The following NIPSNAP2 variants were observed in gnomAD, a reference collection of about 807,000 sequenced individuals.
NIPSNAP2 encodes protein NipSnap homolog 2.
Under a neutral mutation model 48.4 loss-of-function variants are expected in NIPSNAP2, and 42 were observed. The observed-to-expected ratio is 0.87, with a 90% confidence interval of 0.68 to 1.12. NIPSNAP2 has a LOEUF of 1.12. Ranked by LOEUF, NIPSNAP2 falls within the 50% of genes most tolerant of loss-of-function variation. NIPSNAP2 has a pLI of 0.00. For missense variants in NIPSNAP2, 314 were observed against 347.3 expected (o/e 0.90, Z 0.76); for synonymous variants, 158 against 126.6 (o/e 1.25, Z -1.67).
At position 55,999,134 on chromosome 7, in the gene NIPSNAP2, T is replaced by C. The variant is rs1787629043; in HGVS notation, c.*62T>C. The C allele has an allele frequency of 7.3e-7, 1 of 1,365,884 alleles. No individual in the cohort carries two copies. The highest frequency in any genetic ancestry group is 1.8e-5 in the Admixed American group (1 of 55,644). 84.6% of individuals were successfully genotyped at this position (1,365,884 alleles called of 1,614,324 possible). On this transcript the variant is annotated 3_prime_UTR_variant, in exon 10 of 10. Transcript: ENST00000322090. ...TGACAAGTATTTGTCGTAAATTAATTTTAATTGTGTATCAAGTGAAAAAGA... is the reference window on the plus strand; with the variant it reads ...TGACAAGTATTTGTCGTAAATTAATCTTAATTGTGTATCAAGTGAAAAAGA...
Position 55,997,398 on chromosome 7 carries a change from C to T in NIPSNAP2, c.745C>T (p.Arg249Trp), listed in dbSNP as rs775475871. The change falls in exon 9 of 10, where the codon CGG becomes TGG. Residue 249 changes from arginine to tryptophan, a missense_variant. Around this residue, in one of 2 missense-constraint regions of NIPSNAP2, gnomAD observed 116 missense variants for 161.8 expected, o/e 0.72. Transcript: ENST00000322090. Reference sequence around the variant, plus strand: ...GGATCTTCAGACCAGGGAAGACATACGGAATGCAGCATGGCACAAACATGG... The same window carrying T: ...GGATCTTCAGACCAGGGAAGACATATGGAATGCAGCATGGCACAAACATGG... ...YRDLQTREDI[R>W]NAAWHKHGWE... 2 of 1,613,700 alleles carry T rather than the reference C, an allele frequency of 1.2e-6. No individual in the cohort carries two copies. Among genetic ancestry groups the T allele is most frequent in the Non-Finnish European group, 1.7e-6 (2 of 1,179,712 alleles).
intron 1 of NIPSNAP2, among the ~76,000 whole-genome samples, chr7:55,973,251 A>G (rs1787047244): frequency 6.6e-6 from 1 of 152,204 alleles, no homozygotes; most frequent in South Asian, 2.1e-4. Context: ...TTTTATATAT[A>G]GTAAACACAA....
At chr7:55,978,478 G>C (rs1787148615) in intron 3 of NIPSNAP2, 83 bp downstream of exon 3, 1 of 1,172,210 alleles carries the variant, frequency 8.5e-7, no homozygotes, top group Non-Finnish European at 1.2e-6. Flanking sequence ...TGATAGCATA[G>C]AGAGAGATCT....
intron 1 of NIPSNAP2, among the ~76,000 whole-genome samples, chr7:55,969,980 C>G (rs565803669): frequency 6.0e-4 from 80 of 133,158 alleles, no homozygotes; most frequent in African/African-American, 2.2e-3. Context: ...GAGACTCTGT[C>G]TCAAAAAAAA....
chr7:55,983,989 A>ATATATG (rs1475295517), intron 6 of NIPSNAP2, 121 bp downstream of exon 6: 3 of 669,828 alleles, frequency 4.5e-6, no homozygotes, highest in African/African-American at 3.7e-5. Context: ...TTATATGTAT[A>ATATATG]TATATGTATT....
chr7:55,978,667 AT>A, intron 3 of NIPSNAP2: 1 of 416,172 alleles, frequency 2.4e-6, no homozygotes, highest in Non-Finnish European at 4.3e-6. Context: ...TGTCTAGTCC[AT>A]CTACTTATCC....
chr7:55,993,305 A>G (rs1450802664), intron 7 of NIPSNAP2, among the ~76,000 whole-genome samples: 3 of 151,108 alleles, frequency 2.0e-5, no homozygotes, highest in Admixed American at 6.6e-5. Flanking sequence ...AAAAAAAAAA[A>G]GGGCTGTAGG....
At chr7:55,992,105 C>A (rs1262766252) in intron 7 of NIPSNAP2, among the ~76,000 whole-genome samples, 2 of 151,964 alleles carry the variant, frequency 1.3e-5, no homozygotes, top group African/African-American at 4.8e-5. Context: ...AAGATGTCAT[C>A]TTATTTGTGG....
At chr7:55,983,500 A>G (rs755826593) in intron 5 of NIPSNAP2, among the ~76,000 whole-genome samples, 8 of 152,228 alleles carry the variant, frequency 5.3e-5, no homozygotes, top group Non-Finnish European at 1.0e-4. Context: ...CACCTAAATA[A>G]TTAGGATGAC....
intron 1 of NIPSNAP2, among the ~76,000 whole-genome samples, chr7:55,974,252 T>G (rs1787064093): frequency 1.1e-5 from 1 of 91,082 alleles, no homozygotes; most frequent in African/African-American, 3.8e-5. Flanking sequence ...AAACTGATTT[T>G]TTAAGCAAAA....
At chr7:55,991,231 A>T (rs1382991862) in intron 7 of NIPSNAP2, among the ~76,000 whole-genome samples, 1 of 152,146 alleles carries the variant, frequency 6.6e-6, no homozygotes, top group African/African-American at 2.4e-5. Flanking sequence ...AGGCTAAATA[A>T]TGGAAGTTAG....
chr7:55,986,748 C>T (rs1450136715), intron 7 of NIPSNAP2, among the ~76,000 whole-genome samples: 1 of 151,666 alleles, frequency 6.6e-6, no homozygotes, highest in Admixed American at 6.6e-5. Flanking sequence ...AAAATATTTG[C>T]AAATCATATG....
At position 55,984,846 on chromosome 7, in the gene NIPSNAP2, G is replaced by A. The variant is rs1343083388; in HGVS notation, c.586-1G>A. 2.5e-6 allele frequency: 4 copies of A among 1,608,444 alleles called. No homozygotes were observed. The South Asian group carries it at 3.4e-5, about 13-fold the overall frequency. On this transcript the variant is annotated splice_acceptor_variant, in intron 6 of 9. Coordinates refer to ENST00000322090, the MANE Select transcript of NIPSNAP2 (RefSeq NM_001483.3). LOFTEE classifies it high-confidence loss of function. ...CAAACCAAATCTAAATCTGTTTTCA[G>A]CCAGGAACCATGATTGAATGGGGCA...
intron 1 of NIPSNAP2, among the ~76,000 whole-genome samples, chr7:55,974,702 G>A (rs536200792): frequency 6.6e-6 from 1 of 152,142 alleles, no homozygotes; most frequent in Admixed American, 6.5e-5. Flanking sequence ...CAAAAAATTA[G>A]CCGGGTGTGG....
At chr7:55,969,827 C>T (rs1316769126) in intron 1 of NIPSNAP2, among the ~76,000 whole-genome samples, 1 of 151,588 alleles carries the variant, frequency 6.6e-6, no homozygotes, top group Non-Finnish European at 1.5e-5. Context: ...ACTAAAAATA[C>T]AAAAAATTAG....
chr7:55,967,138 T>G (rs996807688), intron 1 of NIPSNAP2, among the ~76,000 whole-genome samples: 9 of 152,266 alleles, frequency 5.9e-5, no homozygotes, highest in Non-Finnish European at 8.8e-5. Context: ...TCCTGGACAT[T>G]GCATAAGTGT....
At position 55,985,745 on chromosome 7, in the gene NIPSNAP2, C is replaced by CAA. The variant is rs11290048; in HGVS notation, c.617+886_617+887dup. 8.9e-3 allele frequency among the ~76,000 whole-genome samples: 797 copies of CAA among 89,626 alleles called. 13 individuals are homozygous for CAA. The highest frequency in any genetic ancestry group is 0.035 in the African/African-American group (757 of 21,804). The allele number at this position is 89,626 out of a possible 152,430, so 58.8% of individuals were successfully genotyped here. On this transcript the variant is annotated intron_variant, in intron 7 of 9. Transcript: ENST00000322090. ...TGGGCAACAGAGTGAGACCCTGTCT[C>CAA]AAAAAAAAAAAAAAAAAAAAGTCCG...
intron 1 of NIPSNAP2, among the ~76,000 whole-genome samples, chr7:55,974,617 G>A (rs185994706): frequency 1.3e-5 from 2 of 152,162 alleles, no homozygotes; most frequent in African/African-American, 2.4e-5. Context: ...GGGAGGCCGA[G>A]GCAGGCGGAT....
intron 1 of NIPSNAP2, among the ~76,000 whole-genome samples, chr7:55,974,858 A>AG (rs930899296): frequency 2.0e-5 from 3 of 148,242 alleles, no homozygotes; most frequent in Non-Finnish European, 4.4e-5. Context: ...AAAAAAAAAA[A>AG]AAAAAAAAAG....
Sources: gnomAD v4.1 joint callset for allele counts (sites outside exome capture counted in the v4.1 genomes callset) on GRCh38, gnomAD v4.1.1 for gene constraint, gnomAD v4.1.1 regional missense constraint, MANE v1.5 for transcripts, NCBI Gene and HGNC (gene_info 2026-07-23, HGNC 2026-07-21) for gene names.